The following RAB6B variants were observed in gnomAD, a reference collection of about 807,000 sequenced individuals.
RAB6B encodes the protein ras-related protein Rab-6B.
A neutral mutation model predicts 31.2 loss-of-function variants in RAB6B; 7 were observed. That is an observed-to-expected ratio of 0.22 (90% CI 0.13 to 0.42). RAB6B has a LOEUF of 0.42. RAB6B is among the 10% of genes least tolerant of loss of function. The probability of loss-of-function intolerance (pLI) is 1.00; values close to 1 mark genes in which losing one functional copy is unlikely to be tolerated. For missense variants in RAB6B, 149 were observed against 280.6 expected (o/e 0.53, Z 3.35); for synonymous variants, 105 against 104.9 (o/e 1.00, Z -0.01).
chr3:133,889,432 A>C (rs1162811060), intron 1 of RAB6B, among the ~76,000 whole-genome samples: 27 of 60,930 alleles, frequency 4.4e-4, no homozygotes, highest in African/African-American at 1.8e-3. Flanking sequence ...ATATATATAT[A>C]TATATATATA....
chr3:133,865,948 C>T lies in RAB6B; in HGVS notation c.71-1306G>A, dbSNP rs546958568. On this transcript the variant is annotated intron_variant, in intron 1 of 7. Coordinates refer to ENST00000285208, the MANE Select transcript of RAB6B (RefSeq NM_016577.4). ...GTGTTTGGGCTAAATTCAGAAGACC[C>T]CATCTTTAACCCAGATTTGGTTAGC... Among the ~76,000 whole-genome samples, 22 of 152,316 alleles carry T rather than the reference C, an allele frequency of 1.4e-4. No homozygotes were observed. In the South Asian group the frequency reaches 4.6e-3, roughly 32 times the overall value.
chr3:133,862,779 T>C (rs1185414657), intron 2 of RAB6B, among the ~76,000 whole-genome samples: 2 of 152,172 alleles, frequency 1.3e-5, no homozygotes, highest in African/African-American at 2.4e-5. Context: ...TCCATACTAA[T>C]GGGACCCACT....
At chr3:133,879,703 G>GA (rs1405733129) in intron 1 of RAB6B, among the ~76,000 whole-genome samples, 18 of 152,214 alleles carry the variant, frequency 1.2e-4, no homozygotes, top group Non-Finnish European at 2.2e-4. Flanking sequence ...AACAGCTTGT[G>GA]TAGACTGCAT....
chr3:133,843,148 G>A (rs977200886), intron 2 of RAB6B, among the ~76,000 whole-genome samples: 6 of 152,168 alleles, frequency 3.9e-5, no homozygotes, highest in East Asian at 1.9e-4. Flanking sequence ...GTCATTCTAC[G>A]CTCTGGAGCA....
chr3:133,841,474 G>A (rs1355455869), intron 3 of RAB6B, 84 bp from the exon 4 acceptor site: 7 of 1,538,734 alleles, frequency 4.5e-6, no homozygotes, highest in Non-Finnish European at 5.4e-6. Flanking sequence ...GGAGAGCCGG[G>A]CTCTGCAATG....
At chr3:133,872,324 G>A (rs1936337058) in intron 1 of RAB6B, among the ~76,000 whole-genome samples, 1 of 152,248 alleles carries the variant, frequency 6.6e-6, no homozygotes, top group Non-Finnish European at 1.5e-5. Flanking sequence ...GAGGGACTCG[G>A]CCCTTGCCAT....
chr3:133,871,528 T>C (rs774358106), intron 1 of RAB6B, among the ~76,000 whole-genome samples: 1 of 152,202 alleles, frequency 6.6e-6, no homozygotes, highest in Non-Finnish European at 1.5e-5. Flanking sequence ...TTGGGGCCAG[T>C]GGCTATGAGG....
chr3:133,829,997 A>ATT (rs1559897865), intron 7 of RAB6B, among the ~76,000 whole-genome samples: 3 of 152,228 alleles, frequency 2.0e-5, no homozygotes, highest in African/African-American at 7.2e-5. Context: ...CAGCCTATAA[A>ATT]TGAGTAAATA....
chr3:133,841,439 G>A lies in RAB6B; in HGVS notation c.184-49C>T, dbSNP rs531962028. On this transcript the variant is annotated intron_variant, in intron 3 of 7. Coordinates refer to ENST00000285208, the MANE Select transcript of RAB6B (RefSeq NM_016577.4). ...TGGGCAGAGGGGTCAGTGGGGCAGT[G>A]AGGTCCTCCTGGTCCGGGGGACTGG... 5.3e-5 allele frequency: 85 copies of A among 1,590,928 alleles called. 1 individual carries two copies. The South Asian group carries it at 8.6e-4, about 16-fold the overall frequency.
At chr3:133,849,485 G>A (rs1049755108) in intron 2 of RAB6B, among the ~76,000 whole-genome samples, 3 of 152,234 alleles carry the variant, frequency 2.0e-5, no homozygotes, top group Admixed American at 2.0e-4. Context: ...GTGCTGTCCA[G>A]GAGTGGCAGA....
intron 6 of RAB6B, 59 bp downstream of exon 6, chr3:133,838,107 A>C: frequency 6.5e-7 from 1 of 1,536,208 alleles, no homozygotes; most frequent in Non-Finnish European, 9.0e-7. Flanking sequence ...CCTGCAGCTG[A>C]CCACAGGGCT....
intron 2 of RAB6B, among the ~76,000 whole-genome samples, chr3:133,848,298 T>A (rs1034917022): frequency 1.3e-5 from 2 of 152,216 alleles, no homozygotes; most frequent in Non-Finnish European, 2.9e-5. Context: ...AACTGGTTGC[T>A]TGGCCTCCTA....
At chr3:133,855,808 C>A (rs116492253) in intron 2 of RAB6B, among the ~76,000 whole-genome samples, 28,335 of 152,112 alleles carry the variant, frequency 0.19, 3,091 homozygotes, top group Non-Finnish European at 0.25. Context: ...TGGGCCCACC[C>A]AGCACCCATT....
At chr3:133,879,471 C>T (rs1222166015) in intron 1 of RAB6B, among the ~76,000 whole-genome samples, 1 of 152,196 alleles carries the variant, frequency 6.6e-6, no homozygotes, top group Non-Finnish European at 1.5e-5. Flanking sequence ...GACAGAAAGC[C>T]TGGATCAATC....
chr3:133,828,895 C>G, intron 7 of RAB6B, 43 bp from the exon 8 acceptor site: 1 of 1,525,898 alleles, frequency 6.6e-7, no homozygotes. Context: ...CCTGGACAAG[C>G]TGCCACCCCA....
Position 133,888,183 on chromosome 3 carries a change from G to A in RAB6B, c.70+7214C>T, listed in dbSNP as rs563484116. Among the ~76,000 whole-genome samples, 109 of 152,354 alleles carry A rather than the reference G, an allele frequency of 7.2e-4. 1 individual carries two copies. Among genetic ancestry groups the A allele is most frequent in the African/African-American group, 2.5e-3 (103 of 41,586 alleles). On this transcript the variant is annotated intron_variant, in intron 1 of 7. Coordinates refer to ENST00000285208, the MANE Select transcript of RAB6B (RefSeq NM_016577.4). ...CTGATAGTCCACTGTGTTTCTCACA[G>A]TGACCTGGGTCTGAATTCTAATTCT...
At chr3:133,889,216 G>A (rs573229193) in intron 1 of RAB6B, among the ~76,000 whole-genome samples, 34 of 151,866 alleles carry the variant, frequency 2.2e-4, no homozygotes, top group African/African-American at 7.0e-4. Flanking sequence ...GACGACTTGG[G>A]TGGGGAGGAC....
intron 2 of RAB6B, among the ~76,000 whole-genome samples, chr3:133,844,199 C>T (rs934231517): frequency 7.9e-5 from 12 of 152,200 alleles, no homozygotes; most frequent in African/African-American, 2.9e-4. Flanking sequence ...CAGTGGCCTC[C>T]ATAATCATAA....
At chr3:133,879,494 A>G (rs1391224839) in intron 1 of RAB6B, among the ~76,000 whole-genome samples, 2 of 152,236 alleles carry the variant, frequency 1.3e-5, no homozygotes, top group South Asian at 4.1e-4. Flanking sequence ...TTCAGTGGCC[A>G]GGGTCCATGT....
Sources: allele counts gnomAD v4.1 joint callset (sites outside exome capture counted in the v4.1 genomes callset), GRCh38; gene constraint gnomAD v4.1.1; transcripts MANE v1.5; gene names NCBI Gene and HGNC (gene_info 2026-07-23, HGNC 2026-07-21).